Variants in ATG7 observed in about 807,000 individuals in gnomAD.
The protein encoded by ATG7 is autophagy related 7, also known as ubiquitin-like modifier-activating enzyme ATG7.
ATG7 carries 70 observed loss-of-function variants against 82.4 expected under a neutral mutation model. That is an observed-to-expected ratio of 0.85 (90% CI 0.70 to 1.04). ATG7 has a LOEUF of 1.04. Among genes scored for constraint, ATG7 ranks in the 50% least tolerant of loss-of-function variants. The pLI is 0.00. For missense variants in ATG7, 792 were observed against 864.3 expected (o/e 0.92, Z 1.05); for synonymous variants, 287 against 313.0 (o/e 0.92, Z 0.88).
the ATG7 span, among the ~76,000 whole-genome samples, chr3:11,574,785 A>ATATG: frequency 9.9e-5 from 12 of 121,780 alleles, no homozygotes; most frequent in South Asian, 6.6e-4. Flanking sequence ...TCAACTATAT[A>ATATG]TGTGTGTGTG....
chr3:11,336,051 T>G (rs1444155548), intron 11 of ATG7, among the ~76,000 whole-genome samples: 1 of 149,616 alleles, frequency 6.7e-6, no homozygotes. Flanking sequence ...TTTTTTTTTT[T>G]TTTTTTTTGA....
chr3:11,428,176 A>G (rs2082536675), intron 20 of ATG7, among the ~76,000 whole-genome samples: 1 of 152,222 alleles, frequency 6.6e-6, no homozygotes. Flanking sequence ...ATCTTGTCAA[A>G]TGATTGCATG....
chr3:11,413,037 T>C (rs894845632), intron 19 of ATG7, among the ~76,000 whole-genome samples: 1 of 152,172 alleles, frequency 6.6e-6, no homozygotes, highest in African/African-American at 2.4e-5. Flanking sequence ...GTTAACTTTG[T>C]ATCCTGCTGC....
downstream of ATG7, among the ~76,000 whole-genome samples, chr3:11,562,052 C>A (rs921241409): frequency 2.0e-4 from 30 of 152,190 alleles, 1 homozygote; most frequent in African/African-American, 7.0e-4. Flanking sequence ...CACCCACCAC[C>A]ACGCCTGGCT....
intron 5 of ATG7, among the ~76,000 whole-genome samples, chr3:11,303,564 A>G (rs1003618545): frequency 6.6e-6 from 1 of 151,394 alleles, no homozygotes; most frequent in African/African-American, 2.4e-5. Flanking sequence ...GCTGCTTGAG[A>G]GGCTGAGGCA....
chr3:11,554,498 C>T (rs2072195675), intron 20 of ATG7, among the ~76,000 whole-genome samples: 1 of 152,136 alleles, frequency 6.6e-6, no homozygotes. Context: ...CTGCAGAAGC[C>T]AGGATGAGCA....
At chr3:11,510,353 G>T in intron 20 of ATG7, 3 of 438,102 alleles carry the variant, frequency 6.8e-6, no homozygotes, top group Non-Finnish European at 9.2e-6. Context: ...CCTCTTATTT[G>T]TCTTTGTAAG....
chr3:11,511,414 A>G (rs1444292946), intron 20 of ATG7, among the ~76,000 whole-genome samples: 2 of 152,208 alleles, frequency 1.3e-5, no homozygotes, highest in East Asian at 1.9e-4. Flanking sequence ...CAGAGTGTCG[A>G]CTGGTGCATT....
At chr3:11,303,840 C>T (rs567986684) in intron 5 of ATG7, among the ~76,000 whole-genome samples, 4 of 147,618 alleles carry the variant, frequency 2.7e-5, no homozygotes, top group Non-Finnish European at 4.5e-5. Flanking sequence ...TTTGGGAGGC[C>T]GAGGCGGGTG....
At chr3:11,332,096 A>G (rs1037294532) in intron 10 of ATG7, among the ~76,000 whole-genome samples, 1 of 152,232 alleles carries the variant, frequency 6.6e-6, no homozygotes, top group Non-Finnish European at 1.5e-5. Context: ...TTACAGAAGC[A>G]TTATTCTCAA....
At chr3:11,394,776 G>A (rs1383010071) in intron 19 of ATG7, among the ~76,000 whole-genome samples, 3 of 152,160 alleles carry the variant, frequency 2.0e-5, no homozygotes, top group Non-Finnish European at 4.4e-5. Flanking sequence ...TTTAGCTAAT[G>A]CCCATAGTTG....
At chr3:11,394,480 T>A (rs1268850030) in intron 19 of ATG7, among the ~76,000 whole-genome samples, 1 of 152,188 alleles carries the variant, frequency 6.6e-6, no homozygotes, top group East Asian at 1.9e-4. Context: ...ATTAGGGCAA[T>A]TTTTTGTTTT....
intron 20 of ATG7, among the ~76,000 whole-genome samples, chr3:11,440,524 C>G (rs1459670958): frequency 1.3e-5 from 2 of 149,506 alleles, no homozygotes; most frequent in African/African-American, 4.9e-5. Flanking sequence ...CGGGGTTTCA[C>G]CGTTTTAGCC....
intron 9 of ATG7, among the ~76,000 whole-genome samples, chr3:11,318,384 A>G (rs1949734036): frequency 6.6e-6 from 1 of 152,210 alleles, no homozygotes; most frequent in African/African-American, 2.4e-5. Context: ...AATTCAAGTA[A>G]TGGAAGATAA....
chr3:11,479,592 A>C (rs1301904331), intron 20 of ATG7, among the ~76,000 whole-genome samples: 1 of 152,196 alleles, frequency 6.6e-6, no homozygotes, highest in African/African-American at 2.4e-5. Context: ...TGGAAGCCCA[A>C]AGTAAGGCAT....
At chr3:11,570,914 T>G in the ATG7 span, among the ~76,000 whole-genome samples, 2 of 152,166 alleles carry the variant, frequency 1.3e-5, no homozygotes, top group African/African-American at 4.8e-5. Context: ...TGCTTCCCAG[T>G]GAGCAACAAG....
chr3:11,546,746 G>A (rs970642938), intron 20 of ATG7, among the ~76,000 whole-genome samples: 1 of 152,182 alleles, frequency 6.6e-6, no homozygotes, highest in Non-Finnish European at 1.5e-5. Context: ...TCCTTGTGAT[G>A]GGCCCAATTG....
chr3:11,488,714 T>G (rs2090034220), intron 20 of ATG7, among the ~76,000 whole-genome samples: 1 of 152,226 alleles, frequency 6.6e-6, no homozygotes, highest in Non-Finnish European at 1.5e-5. Context: ...TTTATTGATT[T>G]GCATATATTG....
At chr3:11,570,002 T>A in the ATG7 span, among the ~76,000 whole-genome samples, 1 of 152,144 alleles carries the variant, frequency 6.6e-6, no homozygotes, top group Non-Finnish European at 1.5e-5. Context: ...CTCTGCTAAT[T>A]TACTACAGCT....
Sources: gnomAD v4.1 joint callset for allele counts (sites outside exome capture counted in the v4.1 genomes callset) on GRCh38, gnomAD v4.1.1 for gene constraint, MANE v1.5 for transcripts, NCBI Gene and HGNC (gene_info 2026-07-23, HGNC 2026-07-21) for gene names.